Variants in CFLAR observed in about 807,000 individuals in gnomAD.
The protein encoded by CFLAR is CASP8 and FADD like apoptosis regulator.
In CFLAR, 14 loss-of-function variants were observed where a neutral mutation model predicts 51.1. That is an observed-to-expected ratio of 0.27 (90% CI 0.18 to 0.43). The LOEUF (loss-of-function observed/expected upper bound fraction) is 0.43. CFLAR is among the 20% of genes least tolerant of loss of function. The pLI, the probability that CFLAR is intolerant of heterozygous loss-of-function variation, is 1.00. For synonymous variants in CFLAR, 210 were observed against 211.6 expected (o/e 0.99, Z 0.06); for missense variants, 390 against 566.5 (o/e 0.69, Z 3.16).
chr2:201,146,113 C>T (rs1440296680), intron 6 of CFLAR, among the ~76,000 whole-genome samples: 3 of 150,282 alleles, frequency 2.0e-5, no homozygotes, highest in South Asian at 2.1e-4. Context: ...ATTAAAGGCA[C>T]GCACCACCAC....
rs939307890 is a variant in CFLAR at position 201,160,648 on chromosome 2, G to A, written c.1010G>A (p.Arg337Lys). ...THSGLPLHHIRRMFMGDSCPY... is the reference protein window; with the variant it reads ...THSGLPLHHIKRMFMGDSCPY... The stretch of plus-strand genomic sequence containing the variant: ...TCAGGGCTCCCCCTGCATCACATCA[G>A]GAGGATGTTCATGGGAGATTCATGC... Residue 337 changes from arginine (R) to lysine (K), a missense_variant, in exon 9 of 10, where the codon AGG becomes AAG. By Grantham distance (26) the Arg-to-Lys change is conservative. This residue lies in a region of CFLAR where 287 missense variants were observed against 363.6 expected (regional missense o/e 0.79). Transcript: ENST00000309955. 4 of 1,614,008 alleles carry A rather than the reference G, an allele frequency of 2.5e-6. No individual in the cohort carries two copies. Among genetic ancestry groups the A allele is most frequent in the East Asian group, 4.5e-5 (2 of 44,896 alleles).
chr2:201,155,188 G>A (rs1941945459), intron 8 of CFLAR, among the ~76,000 whole-genome samples: 1 of 152,104 alleles, frequency 6.6e-6, no homozygotes, highest in South Asian at 2.1e-4. Flanking sequence ...TGGGCTTTAC[G>A]GCTTGGCCTA....
intron 9 of CFLAR, chr2:201,163,067 T>C: frequency 1.3e-6 from 1 of 754,568 alleles, no homozygotes; most frequent in Non-Finnish European, 2.4e-6. Context: ...TGCATCTTAC[T>C]AGATGTCCTA....
chr2:201,122,778 C>G (rs1440422626), intron 1 of CFLAR: 1 of 152,166 alleles, frequency 6.6e-6, no homozygotes, highest in Non-Finnish European at 1.5e-5. Flanking sequence ...AGGGGCTTTC[C>G]AAATGGAGGC....
chr2:201,171,970 A>G lies in CFLAR; in HGVS notation c.*7997A>G, dbSNP rs1944047737. On this transcript the variant is annotated 3_prime_UTR_variant, in exon 10 of 10. Transcript: ENST00000309955. ...ATACTTCAAGGGCAGTTCAAATACC[A>G]TCTCCTTCTATCCTCCATGAAGTCA... The G allele has an allele frequency of 6.6e-6, 1 of 152,100 alleles. No individual in the cohort carries two copies. The highest frequency in any genetic ancestry group is 2.4e-5 in the African/African-American group (1 of 41,402). The allele number at this position is 152,100 out of a possible 1,614,324, so 9.4% of individuals were successfully genotyped here.
rs983180328 is a variant in CFLAR at position 201,170,750 on chromosome 2, A to G, written c.*6777A>G. ...TAGCTTTTACATGATTGGAATCATA[A>G]TGCATATTCCATTTTGAAGTCTGCT... On this transcript the variant is annotated 3_prime_UTR_variant, in exon 10 of 10. Transcript: ENST00000309955. 18 of 152,238 alleles carry G rather than the reference A, an allele frequency of 1.2e-4. No homozygotes were observed. Among genetic ancestry groups the G allele is most frequent in the African/African-American group, 4.3e-4 (18 of 41,454 alleles). 9.4% of individuals were successfully genotyped at this position (152,238 alleles called of 1,614,324 possible).
rs1349202294 is a variant in CFLAR at position 201,172,942 on chromosome 2, ACT to A, written c.*8972_*8973del. Reference sequence around the variant, plus strand: ...AAGTGAGAGTGCTCATCATATAGTAACTCTATGTTTAGCCTTTTGAGGAACTG... The same window carrying A: ...AAGTGAGAGTGCTCATCATATAGTAACTATGTTTAGCCTTTTGAGGAACTG... On this transcript the variant is annotated 3_prime_UTR_variant, in exon 10 of 10. Coordinates refer to ENST00000309955, the MANE Select transcript of CFLAR (RefSeq NM_003879.7). The A allele has an allele frequency of 6.6e-6, 1 of 152,060 alleles. No homozygotes were observed. The highest frequency in any genetic ancestry group is 1.5e-5 in the Non-Finnish European group (1 of 68,008). The allele number at this position is 152,060 out of a possible 1,614,324, so 9.4% of individuals were successfully genotyped here.
In CFLAR at chr2:201,169,961, C is replaced by G. The variant is rs1186637026; in HGVS notation, c.*5988C>G. On this transcript the variant is annotated 3_prime_UTR_variant, in exon 10 of 10. Coordinates refer to ENST00000309955, the MANE Select transcript of CFLAR (RefSeq NM_003879.7). ...TTAAAAAGTCAAAAAACAACAGATGCTGGCGAGGCTGTGGAGAAGTAGGAA... is the reference window on the plus strand; with the variant it reads ...TTAAAAAGTCAAAAAACAACAGATGGTGGCGAGGCTGTGGAGAAGTAGGAA... The G allele has an allele frequency of 6.6e-6, 1 of 152,162 alleles. No individual in the cohort carries two copies. Among genetic ancestry groups the G allele is most frequent in the Non-Finnish European group, 1.5e-5 (1 of 68,028 alleles). 9.4% of individuals were successfully genotyped at this position (152,162 alleles called of 1,614,324 possible).
At chr2:201,123,378 G>C (rs1189976160) in intron 1 of CFLAR, among the ~76,000 whole-genome samples, 2 of 152,212 alleles carry the variant, frequency 1.3e-5, no homozygotes, top group Non-Finnish European at 2.9e-5. Context: ...ACAGTCTGGA[G>C]GCTGGGAAGT....
At chr2:201,145,548 A>C in intron 6 of CFLAR, 116 bp downstream of exon 6, 3 of 717,266 alleles carry the variant, frequency 4.2e-6, no homozygotes, top group African/African-American at 1.8e-5. Context: ...GTAAGCTCTC[A>C]AAATAAAAAC....
At chr2:201,163,636 G>A in intron 9 of CFLAR, 199 bp from the exon 10 acceptor site, 1 of 1,381,262 alleles carries the variant, frequency 7.2e-7, no homozygotes, top group Non-Finnish European at 9.4e-7. Context: ...AAACTCAGCA[G>A]CCCCTTGAGG....
rs1944065365 is a variant in CFLAR, at chr2:201,172,249, C to T, written c.*8276C>T. ...GATTGAAAAGAGAAATGATGGATCT[C>T]CTAAATTTTAACTTTTATAAAATAT... On this transcript the variant is annotated 3_prime_UTR_variant, in exon 10 of 10. Transcript: ENST00000309955. 1 of 152,132 alleles carries T rather than the reference C, an allele frequency of 6.6e-6. No homozygotes were observed. Among genetic ancestry groups the T allele is most frequent in the Admixed American group, 6.5e-5 (1 of 15,268 alleles). 9.4% of individuals were successfully genotyped at this position (152,132 alleles called of 1,614,324 possible).
chr2:201,139,030 G>A (rs1937652439), intron 4 of CFLAR: 1 of 457,114 alleles, frequency 2.2e-6, no homozygotes, highest in Admixed American at 2.4e-5. Flanking sequence ...AGATCAGATT[G>A]TTACTGTGTC....
Position 201,124,712 on chromosome 2 carries a change from CAG to C in CFLAR, c.-137-5015_-137-5014del, listed in dbSNP as rs1476702810. 3.9e-5 allele frequency among the ~76,000 whole-genome samples: 6 copies of C among 152,108 alleles called. No homozygotes were observed. The highest frequency in any genetic ancestry group is 1.3e-4 in the Admixed American group (2 of 15,254). ...AGGGTGAGGTCTAAAGCAGGGGGAACAGAATGGCTAGGGGAATGAGTTTGGAT... is the reference window on the plus strand; with the variant it reads ...AGGGTGAGGTCTAAAGCAGGGGGAACAATGGCTAGGGGAATGAGTTTGGAT... On this transcript the variant is annotated intron_variant, in intron 1 of 9. Coordinates refer to ENST00000309955, the MANE Select transcript of CFLAR (RefSeq NM_003879.7). The surrounding 1 kb of genome is among the most constrained non-coding windows in gnomAD (Gnocchi z 4.7).
chr2:201,131,699 T>TTTTG (rs1005394449), intron 2 of CFLAR, among the ~76,000 whole-genome samples: 21 of 152,092 alleles, frequency 1.4e-4, no homozygotes, highest in African/African-American at 4.1e-4. Context: ...GTTTTTGTTT[T>TTTTG]TTTGTTTGTT....
In CFLAR at chr2:201,174,989, A is replaced by T. The variant is rs577921747; in HGVS notation, c.*11016A>T. ...ATAATACATTAGCACGCTAAAAGAA[A>T]CTTCTACAGCACCATGATAGTTTAC... is the stretch of plus-strand genomic sequence containing the variant. On this transcript the variant is annotated 3_prime_UTR_variant, in exon 10 of 10. Coordinates refer to ENST00000309955, the MANE Select transcript of CFLAR (RefSeq NM_003879.7). 19 of 152,304 alleles carry T rather than the reference A, an allele frequency of 1.2e-4. No homozygotes were observed. The highest frequency in any genetic ancestry group is 4.6e-4 in the African/African-American group (19 of 41,582). 9.4% of individuals were successfully genotyped at this position (152,304 alleles called of 1,614,324 possible).
At chr2:201,144,259 G>A (rs1463572177) in intron 5 of CFLAR, 2 of 152,196 alleles carry the variant, frequency 1.3e-5, no homozygotes, top group African/African-American at 4.8e-5. Flanking sequence ...GTCTCAGATG[G>A]GTTGACAGCA....
At chr2:201,140,102 C>A in intron 4 of CFLAR, 1 of 224,658 alleles carries the variant, frequency 4.5e-6, no homozygotes, top group Admixed American at 6.3e-5. Context: ...TGCCACGCTG[C>A]AGCCAGGCGC....
At chr2:201,153,500 C>T (rs117940371) in intron 8 of CFLAR, 3 of 152,184 alleles carry the variant, frequency 2.0e-5, no homozygotes, top group African/African-American at 7.2e-5. Flanking sequence ...TAGTGCAGCA[C>T]CCTTCATCTC....
Sources: allele counts gnomAD v4.1 joint callset (sites outside exome capture counted in the v4.1 genomes callset), GRCh38; gene constraint gnomAD v4.1.1; regional missense constraint gnomAD v4.1.1; non-coding constraint Gnocchi (gnomAD v3.1); transcripts MANE v1.5; gene names NCBI Gene and HGNC (gene_info 2026-07-23, HGNC 2026-07-21).